The following MTUS2 variants were observed in gnomAD, a reference collection of about 807,000 sequenced individuals.
The protein encoded by MTUS2 is microtubule-associated tumor suppressor candidate 2.
Under a neutral mutation model 114.1 loss-of-function variants are expected in MTUS2, and 40 were observed. The ratio of observed to expected loss-of-function variants is 0.35; its 90% CI spans 0.27 to 0.46. The LOEUF (loss-of-function observed/expected upper bound fraction) is 0.46, where lower values mean the gene tolerates loss of function less well. Among genes scored for constraint, MTUS2 ranks in the 20% least tolerant of loss-of-function variants. MTUS2 has a pLI of 1.00. For missense variants in MTUS2, 1,679 were observed against 1,705.4 expected, an observed-to-expected ratio of 0.98 and a Z score of 0.27; for synonymous variants, 688 against 672.0, an observed-to-expected ratio of 1.02 and a Z score of -0.37.
intron 10 of MTUS2, chr13:29,487,597 G>T: frequency 2.5e-6 from 1 of 394,768 alleles, no homozygotes; most frequent in Admixed American, 3.9e-5. Context: ...AGCGGTGCAA[G>T]CGCGTGGACA....
intron 8 of MTUS2, among the ~76,000 whole-genome samples, chr13:29,410,684 A>AT (rs1163325643): frequency 6.6e-6 from 1 of 152,062 alleles, no homozygotes; most frequent in East Asian, 1.9e-4. Flanking sequence ...TTTGTCAGTT[A>AT]TTTTTTTGAC....
At chr13:28,857,928 AC>A (rs1386258009) in intron 2 of MTUS2, among the ~76,000 whole-genome samples, 1 of 152,168 alleles carries the variant, frequency 6.6e-6, no homozygotes, top group East Asian at 1.9e-4. Context: ...CACTAAGAAC[AC>A]TGTAGTGTAT....
chr13:28,938,509 T>C (rs889999548), intron 2 of MTUS2, among the ~76,000 whole-genome samples: 8 of 152,104 alleles, frequency 5.3e-5, no homozygotes, highest in African/African-American at 1.9e-4. Flanking sequence ...AAATCAGTAG[T>C]GGATATATAC....
intron 5 of MTUS2, among the ~76,000 whole-genome samples, chr13:29,194,989 G>T (rs889133323): frequency 6.8e-6 from 1 of 147,938 alleles, no homozygotes; most frequent in Non-Finnish European, 1.5e-5. Flanking sequence ...GTAAACTATC[G>T]CAAGAACAAA....
intron 4 of MTUS2, among the ~76,000 whole-genome samples, chr13:29,045,551 T>G (rs1887575538): frequency 6.6e-6 from 1 of 152,166 alleles, no homozygotes; most frequent in African/African-American, 2.4e-5. Context: ...GGGCAATCAT[T>G]GAGGGCAAGT....
chr13:28,862,464 T>C lies in MTUS2; in HGVS notation c.-243+22614T>C, dbSNP rs376981957. 2.4e-4 allele frequency among the ~76,000 whole-genome samples: 37 copies of C among 152,152 alleles called. No individual in the cohort carries two copies. The East Asian group carries it at 4.3e-3, about 17-fold the overall frequency. ...TGTCTCTACTAAAAATTCAAAAAAA[T>C]TAGCCAGGCATGGTGGCGCACACCT... On this transcript the variant is annotated intron_variant, in intron 2 of 15. Transcript: ENST00000612955.
intron 4 of MTUS2, among the ~76,000 whole-genome samples, chr13:29,063,174 T>C (rs1565987373): frequency 6.6e-6 from 1 of 152,238 alleles, no homozygotes; most frequent in Non-Finnish European, 1.5e-5. Context: ...CTACACTGCC[T>C]TTTTAGTAGA....
At chr13:29,125,662 T>C (rs1891483716) in intron 5 of MTUS2, among the ~76,000 whole-genome samples, 1 of 152,040 alleles carries the variant, frequency 6.6e-6, no homozygotes, top group African/African-American at 2.4e-5. Flanking sequence ...GGATTTACAC[T>C]CTGAAAACTA....
chr13:29,018,181 T>A (rs1160644764), intron 2 of MTUS2, among the ~76,000 whole-genome samples: 1 of 152,136 alleles, frequency 6.6e-6, no homozygotes. Flanking sequence ...ACAGGGCAAA[T>A]GTACTTTAAG....
intron 2 of MTUS2, among the ~76,000 whole-genome samples, chr13:28,955,402 A>G (rs1376116277): frequency 2.0e-5 from 3 of 152,226 alleles, no homozygotes; most frequent in African/African-American, 7.2e-5. Flanking sequence ...TTGTCAGCAT[A>G]TTGCCACATT....
intron 5 of MTUS2, among the ~76,000 whole-genome samples, chr13:29,225,028 C>T (rs979771909): frequency 3.3e-5 from 5 of 152,228 alleles, no homozygotes; most frequent in Non-Finnish European, 7.3e-5. Context: ...AGGGCTGCAG[C>T]CTCCCAGAAG....
intron 5 of MTUS2, among the ~76,000 whole-genome samples, chr13:29,204,036 T>A (rs1895078181): frequency 6.6e-6 from 1 of 152,016 alleles, no homozygotes; most frequent in Non-Finnish European, 1.5e-5. Flanking sequence ...CTTGGCTCAT[T>A]GCAACCTCCA....
chr13:28,980,601 C>T (rs770742469), intron 2 of MTUS2, among the ~76,000 whole-genome samples: 17 of 152,268 alleles, frequency 1.1e-4, no homozygotes, highest in East Asian at 3.9e-4. Context: ...TTTTAGCTCA[C>T]GGGGATGGCT....
At chr13:29,031,441 T>C (rs930477876) in intron 3 of MTUS2, among the ~76,000 whole-genome samples, 3 of 151,934 alleles carry the variant, frequency 2.0e-5, no homozygotes, top group African/African-American at 7.3e-5. Context: ...GATTGACTGA[T>C]TGATTTTAAG....
chr13:29,307,328 C>A, intron 6 of MTUS2: 4 of 690,862 alleles, frequency 5.8e-6, no homozygotes, highest in East Asian at 5.3e-5. Flanking sequence ...GTCCCTGCCA[C>A]CCAGAAGACT....
chr13:28,841,072 C>T (rs544774565), intron 2 of MTUS2, among the ~76,000 whole-genome samples: 25 of 152,328 alleles, frequency 1.6e-4, no homozygotes, highest in African/African-American at 5.8e-4. Context: ...ACGATTTAAA[C>T]TTGGACTGTT....
At chr13:28,826,165 A>G (rs1874255187) in intron 1 of MTUS2, among the ~76,000 whole-genome samples, 1 of 152,200 alleles carries the variant, frequency 6.6e-6, no homozygotes, top group African/African-American at 2.4e-5. Flanking sequence ...GCACTTTTCA[A>G]GCTCTTATTA....
chr13:29,272,738 C>G (rs1353377992), intron 5 of MTUS2, among the ~76,000 whole-genome samples: 1 of 152,216 alleles, frequency 6.6e-6, no homozygotes, highest in Non-Finnish European at 1.5e-5. Context: ...TCCCTTAGCA[C>G]AGGCTTCTCT....
intron 5 of MTUS2, among the ~76,000 whole-genome samples, chr13:29,203,973 T>TG (rs1327703673): frequency 1.2e-4 from 18 of 151,976 alleles, no homozygotes; most frequent in African/African-American, 3.9e-4. Context: ...TTTTTTTTTT[T>TG]GTCTGACACG....
Sources: gnomAD v4.1 joint callset for allele counts (sites outside exome capture counted in the v4.1 genomes callset) on GRCh38, gnomAD v4.1.1 for gene constraint, MANE v1.5 for transcripts, NCBI Gene and HGNC (gene_info 2026-07-23, HGNC 2026-07-21) for gene names.